CNTNAP2: variants seen among roughly 807,000 people sequenced by gnomAD.
The protein encoded by CNTNAP2 is contactin-associated protein-like 2.
A neutral mutation model predicts 155.2 loss-of-function variants in CNTNAP2; 98 were observed. The ratio of observed to expected loss-of-function variants is 0.63; its 90% confidence interval spans 0.54 to 0.75. CNTNAP2 has a LOEUF of 0.75. CNTNAP2 is among the 30% of genes least tolerant of loss of function. The pLI is 0.00. For missense variants in CNTNAP2, 1,727 were observed against 1,688.1 expected (o/e 1.02, Z -0.40); for synonymous variants, 651 against 631.2 (o/e 1.03, Z -0.47).
chr7:147,907,596 G>A (rs1292846735), intron 14 of CNTNAP2, among the ~76,000 whole-genome samples: 1 of 151,980 alleles, frequency 6.6e-6, no homozygotes, highest in East Asian at 1.9e-4. Flanking sequence ...CTTACATCCA[G>A]GCCCAGATTT....
intron 3 of CNTNAP2, among the ~76,000 whole-genome samples, chr7:146,921,999 A>G (rs1037158139): frequency 1.3e-5 from 2 of 152,110 alleles, no homozygotes; most frequent in Non-Finnish European, 2.9e-5. Flanking sequence ...CCTTCCTTCC[A>G]TGGATGCCAC....
At chr7:146,558,254 G>C (rs1245758757) in intron 1 of CNTNAP2, among the ~76,000 whole-genome samples, 1 of 152,060 alleles carries the variant, frequency 6.6e-6, no homozygotes, top group East Asian at 1.9e-4. Context: ...GAGGCCCCAC[G>C]TGGTATCTTA....
intron 10 of CNTNAP2, among the ~76,000 whole-genome samples, chr7:147,397,886 A>C (rs1796845863): frequency 6.6e-6 from 1 of 152,044 alleles, no homozygotes; most frequent in Admixed American, 6.6e-5. Flanking sequence ...AAATGAAAAG[A>C]TTAGCTGCAG....
At chr7:147,513,192 TG>T (rs1799052001) in intron 11 of CNTNAP2, among the ~76,000 whole-genome samples, 1 of 152,196 alleles carries the variant, frequency 6.6e-6, no homozygotes, top group Non-Finnish European at 1.5e-5. Flanking sequence ...TAAAAATATT[TG>T]GTAAAGAGAA....
rs148952559 is a variant in CNTNAP2, at chr7:148,213,548, T to C, written c.3011-3740T>C. Reference sequence around the variant, plus strand: ...ATCCTGCCTGCCCCACTGTGATTCATTTGAATGCCCCAGCCTCCATCTCTA... The same window carrying C: ...ATCCTGCCTGCCCCACTGTGATTCACTTGAATGCCCCAGCCTCCATCTCTA... On this transcript the variant is annotated intron_variant, in intron 18 of 23. Transcript: ENST00000361727. 4.8e-3 allele frequency among the ~76,000 whole-genome samples: 727 copies of C among 152,178 alleles called. 1 individual carries two copies. Among genetic ancestry groups the C allele is most frequent in the African/African-American group, 0.017 (686 of 41,510 alleles).
chr7:147,827,712 T>C (rs1313927820), intron 13 of CNTNAP2, among the ~76,000 whole-genome samples: 1 of 152,162 alleles, frequency 6.6e-6, no homozygotes, highest in East Asian at 1.9e-4. Flanking sequence ...GTGCTGGCTA[T>C]AGTCTCATAG....
At chr7:148,195,858 G>A (rs1011156343) in intron 18 of CNTNAP2, among the ~76,000 whole-genome samples, 1 of 151,934 alleles carries the variant, frequency 6.6e-6, no homozygotes, top group African/African-American at 2.4e-5. Flanking sequence ...AATATTTCCT[G>A]AGCAATTGAA....
intron 1 of CNTNAP2, among the ~76,000 whole-genome samples, chr7:146,456,253 A>G (rs185522693): frequency 5.1e-4 from 78 of 152,302 alleles, no homozygotes; most frequent in African/African-American, 5.1e-4. Flanking sequence ...ATGTATGTAT[A>G]TATGTATTTT....
At chr7:148,203,885 C>T (rs1227088727) in intron 18 of CNTNAP2, among the ~76,000 whole-genome samples, 1 of 152,172 alleles carries the variant, frequency 6.6e-6, no homozygotes, top group Admixed American at 6.5e-5. Context: ...TGGAGAAGCC[C>T]AGTGCTCCTG....
chr7:147,819,539 GT>G, intron 13 of CNTNAP2, among the ~76,000 whole-genome samples: 1 of 152,034 alleles, frequency 6.6e-6, no homozygotes, highest in Non-Finnish European at 1.5e-5. Flanking sequence ...TAATTATAGT[GT>G]TTTTATTGAA....
intron 1 of CNTNAP2, among the ~76,000 whole-genome samples, chr7:146,772,756 T>C (rs960837575): frequency 5.3e-5 from 8 of 151,976 alleles, no homozygotes; most frequent in African/African-American, 1.9e-4. Context: ...ATAAGACTAG[T>C]GTTGTGGCCA....
chr7:147,683,765 T>A (rs936719743), intron 13 of CNTNAP2, among the ~76,000 whole-genome samples: 1 of 142,686 alleles, frequency 7.0e-6, no homozygotes. Flanking sequence ...ATTAGCAGAA[T>A]AACCCTACAG....
chr7:147,093,664 G>A (rs1458909403), intron 4 of CNTNAP2, among the ~76,000 whole-genome samples: 3 of 152,046 alleles, frequency 2.0e-5, no homozygotes, highest in African/African-American at 4.8e-5. Context: ...CACAAAATGC[G>A]TTTATTCCAT....
At chr7:146,561,067 T>G (rs923460740) in intron 1 of CNTNAP2, among the ~76,000 whole-genome samples, 3 of 152,278 alleles carry the variant, frequency 2.0e-5, no homozygotes, top group Middle Eastern at 6.8e-3. Flanking sequence ...TAAAAACATG[T>G]CTGCATTATA....
intron 8 of CNTNAP2, among the ~76,000 whole-genome samples, chr7:147,297,509 ATAGC>A (rs1794854453): frequency 6.6e-6 from 1 of 152,192 alleles, no homozygotes; most frequent in Admixed American, 6.5e-5. Flanking sequence ...GTTATTTAGA[ATAGC>A]TAGGAAAGAC....
chr7:147,732,814 T>A (rs967989021), intron 13 of CNTNAP2, among the ~76,000 whole-genome samples: 2 of 152,250 alleles, frequency 1.3e-5, no homozygotes, highest in African/African-American at 2.4e-5. Flanking sequence ...TTCATCATCT[T>A]GGCTGCATAA....
chr7:146,524,958 A>G (rs1245513177), intron 1 of CNTNAP2, among the ~76,000 whole-genome samples: 1 of 152,080 alleles, frequency 6.6e-6, no homozygotes, highest in East Asian at 1.9e-4. Flanking sequence ...ATTTTCCTGG[A>G]GTTTCTAAAA....
At chr7:146,811,774 TG>T (rs1428694691) in intron 2 of CNTNAP2, among the ~76,000 whole-genome samples, 1 of 152,162 alleles carries the variant, frequency 6.6e-6, no homozygotes, top group African/African-American at 2.4e-5. Flanking sequence ...AATTCAATTT[TG>T]GGGGTGGTTA....
chr7:146,348,087 A>T (rs1204759068), intron 1 of CNTNAP2, among the ~76,000 whole-genome samples: 1 of 151,770 alleles, frequency 6.6e-6, no homozygotes, highest in Non-Finnish European at 1.5e-5. Context: ...ACTTACTACC[A>T]CTCTATGATA....
Sources: allele counts gnomAD v4.1 joint callset (sites outside exome capture counted in the v4.1 genomes callset), GRCh38; gene constraint gnomAD v4.1.1; transcripts MANE v1.5; gene names NCBI Gene and HGNC (gene_info 2026-07-23, HGNC 2026-07-21).